Variants in COL6A3 observed in about 807,000 individuals in gnomAD.
The protein encoded by COL6A3 is collagen type VI alpha 3 chain, also known as collagen alpha-3(VI) chain.
Under a neutral mutation model 274.1 loss-of-function variants are expected in COL6A3, and 137 were observed. The ratio of observed to expected loss-of-function variants is 0.50; its 90% CI spans 0.44 to 0.58. The LOEUF is 0.58. Ranked by LOEUF, COL6A3 falls within the 20% of genes least tolerant of loss-of-function variation. The pLI is 0.00. For missense variants in COL6A3, 3,950 were observed against 4,124.9 expected (o/e 0.96, Z 1.16); for synonymous variants, 1,650 against 1,650.6 (o/e 1.00, Z 0.01).
intron 39 of COL6A3, 32 bp downstream of exon 39, chr2:237,338,983 C>T (rs2076927485): frequency 1.9e-6 from 3 of 1,577,146 alleles, no homozygotes; most frequent in East Asian, 4.5e-5. Flanking sequence ...TGCAGCGCTA[C>T]AATTTTTAAG....
At chr2:237,333,328 G>A (rs561824698) in intron 42 of COL6A3, 122 bp downstream of exon 42, 26 of 846,164 alleles carry the variant, frequency 3.1e-5, no homozygotes, top group Admixed American at 7.8e-5. Context: ...CAGAGCTGAC[G>A]TGGACCTTTT....
Position 237,340,619 on chromosome 2 carries a change from C to T in COL6A3, c.8297G>A (p.Gly2766Asp), listed in dbSNP as rs980294027. 6.2e-7 allele frequency: 1 copy of T among 1,614,226 alleles called. No homozygotes were observed. The highest frequency in any genetic ancestry group is 8.5e-7 in the Non-Finnish European group (1 of 1,180,042). Residue 2766 changes from glycine to aspartate, a missense_variant, in exon 38 of 44, where the codon GGC becomes GAC. Transcript: ENST00000295550. The stretch of plus-strand genomic sequence containing the variant: ...AATGCCCAGGACCACGAAGAAGTAG[C>T]CCTTGCATTTGGCCTGCAGGATGAC... ...QRVILQAKCK[G>D]YFFVVLGIGR...
intron 3 of COL6A3, among the ~76,000 whole-genome samples, chr2:237,392,848 C>G (rs79927705): frequency 0.012 from 1,847 of 152,320 alleles, 65 homozygotes; most frequent in Admixed American, 0.059. Context: ...GTGGCTGGCT[C>G]TCTATAGTTC....
intron 14 of COL6A3, among the ~76,000 whole-genome samples, chr2:237,362,668 A>G (rs2077463506): frequency 6.6e-6 from 1 of 152,122 alleles, no homozygotes; most frequent in South Asian, 2.1e-4. Flanking sequence ...CCATCAAAGA[A>G]TCTCTGAGTT....
chr2:237,351,046 G>T, intron 27 of COL6A3, 84 bp downstream of exon 27: 1 of 1,342,274 alleles, frequency 7.5e-7, no homozygotes, highest in Non-Finnish European at 1.1e-6. Flanking sequence ...AGGAGGGACA[G>T]ACAGACTGAC....
intron 23 of COL6A3, chr2:237,355,750 C>T (rs982767136): frequency 6.6e-6 from 1 of 152,234 alleles, no homozygotes. Flanking sequence ...GCCCAGTGAT[C>T]TGCGGTGACC....
intron 10 of COL6A3, 105 bp from the exon 11 acceptor site, chr2:237,367,391 A>C: frequency 7.3e-7 from 1 of 1,362,998 alleles, no homozygotes; most frequent in Non-Finnish European, 9.9e-7. Flanking sequence ...ATTCCTAATA[A>C]TTTATTCACA....
At chr2:237,372,404 C>T (rs111566016) in intron 8 of COL6A3, 67 bp from the exon 9 acceptor site, 599 of 1,599,364 alleles carry the variant, frequency 3.7e-4, no homozygotes, top group Non-Finnish European at 4.8e-4. Flanking sequence ...CATGAGCCAC[C>T]GCCCAGTTTG....
At chr2:237,390,008 A>T (rs573762185) in intron 3 of COL6A3, among the ~76,000 whole-genome samples, 20 of 152,322 alleles carry the variant, frequency 1.3e-4, no homozygotes, top group African/African-American at 4.8e-4. Context: ...AATGGCCTAC[A>T]TCATTGCATA....
chr2:237,385,733 A>G (rs1225344428), intron 4 of COL6A3, among the ~76,000 whole-genome samples: 1 of 152,218 alleles, frequency 6.6e-6, no homozygotes, highest in African/African-American at 2.4e-5. Flanking sequence ...CAGAGTCACA[A>G]AACGGCACCA....
At position 237,376,873 on chromosome 2, in the gene COL6A3, G is replaced by T. The variant is rs759926482; in HGVS notation, c.2969C>A (p.Pro990Gln). 1.2e-6 allele frequency: 2 copies of T among 1,614,192 alleles called. No individual in the cohort carries two copies. The highest frequency in any genetic ancestry group is 1.7e-6 in the Non-Finnish European group (2 of 1,180,030). Residue 990 changes from proline (P) to glutamine (Q), a missense_variant, in exon 7 of 44, where the codon CCA (proline) becomes CAA (glutamine). Coordinates refer to ENST00000295550, the MANE Select transcript of COL6A3 (RefSeq NM_004369.4). ...CGACTCTGCAGCCAGGATAAACGCT[G>T]GAGACAGCACGATCTGCTCTAACTC... is the stretch of plus-strand genomic sequence containing the variant. ...PAELEQIVLSPAFILAAESLP... is the reference protein window; with the variant it reads ...PAELEQIVLSQAFILAAESLP...
intron 1 of COL6A3, among the ~76,000 whole-genome samples, chr2:237,409,461 C>A (rs944261927): frequency 2.0e-5 from 3 of 152,138 alleles, no homozygotes; most frequent in African/African-American, 7.2e-5. Flanking sequence ...GGCCATGATG[C>A]ACAATAGGTC....
chr2:237,371,509 G>T lies in COL6A3; in HGVS notation c.4285+223C>A. 3 of 946,020 alleles carry T rather than the reference G, an allele frequency of 3.2e-6. No individual in the cohort carries two copies. The highest frequency in any genetic ancestry group is 4.4e-6 in the Non-Finnish European group (3 of 686,886). The allele number at this position is 946,020 out of a possible 1,614,324, so 58.6% of individuals were successfully genotyped here. On this transcript the variant is annotated intron_variant, in intron 9 of 43. Coordinates refer to ENST00000295550, the MANE Select transcript of COL6A3 (RefSeq NM_004369.4). The surrounding 1 kb of genome is among the most constrained non-coding windows in gnomAD (Gnocchi z 4.3). Reference sequence around the variant, plus strand: ...GCTACTGAGGAGGCTGAAGTGGGAGGTTGGCTGGATCCCAGAAGGCAGAGG... The same window carrying T: ...GCTACTGAGGAGGCTGAAGTGGGAGTTTGGCTGGATCCCAGAAGGCAGAGG...
chr2:237,342,202 G>T (rs1273390987), intron 36 of COL6A3, 41 bp from the exon 37 acceptor site: 2 of 1,486,298 alleles, frequency 1.3e-6, no homozygotes, highest in Non-Finnish European at 1.9e-6. Context: ...GGGCGTACAT[G>T]ATCAGTAATA....
rs1256838964 is a variant in COL6A3, at chr2:237,388,172, G to A, written c.722C>T (p.Ala241Val). 6.2e-7 allele frequency: 1 copy of A among 1,614,048 alleles called. No individual in the cohort carries two copies. The highest frequency in any genetic ancestry group is 1.1e-5 in the South Asian group (1 of 91,080). The change falls in exon 4 of 44, where the codon GCT becomes GTT. Residue 241 changes from alanine (A) to valine (V), a missense_variant. Physicochemically the swap from Ala to Val is moderately conservative, Grantham distance 64 (BLOSUM62 0). This residue lies in a region of COL6A3 where 1,934 missense variants were observed against 1,984.3 expected (regional missense o/e 0.97). Transcript: ENST00000295550. ...TCCATCAATAAGGAAAATAATGTCA[G>A]CAGAGTCTTGTGCTTTAAAAGAAAG... The part of the protein sequence containing the change: ...TLKDITAQDS[A>V]DIIFLIDGSN...
At chr2:237,343,354 A>T (rs1281387863) in intron 36 of COL6A3, 8 of 151,332 alleles carry the variant, frequency 5.3e-5, no homozygotes, top group Admixed American at 5.3e-4. Flanking sequence ...AAAAGAAAGA[A>T]AAATACAAAA....
chr2:237,412,886 T>G (rs1559299942), intron 1 of COL6A3, among the ~76,000 whole-genome samples: 1 of 152,048 alleles, frequency 6.6e-6, no homozygotes, highest in Non-Finnish European at 1.5e-5. Context: ...CACAGCAGAC[T>G]CCCCTGTGCT....
intron 31 of COL6A3, among the ~76,000 whole-genome samples, chr2:237,347,466 C>A (rs1051135523): frequency 2.6e-5 from 4 of 152,230 alleles, no homozygotes; most frequent in Admixed American, 2.0e-4. Flanking sequence ...CATTGCCTGG[C>A]CGTCTGGGTG....
intron 7 of COL6A3, among the ~76,000 whole-genome samples, 163 bp from the exon 8 acceptor site, chr2:237,375,183 G>A (rs556138799): frequency 4.9e-4 from 74 of 152,336 alleles, no homozygotes; most frequent in East Asian, 7.7e-4. Flanking sequence ...TTGGGGATGG[G>A]GGGATTACCC....
Sources: gnomAD v4.1 joint callset for allele counts (sites outside exome capture counted in the v4.1 genomes callset) on GRCh38, gnomAD v4.1.1 for gene constraint, gnomAD v4.1.1 regional missense constraint, Gnocchi (gnomAD v3.1) non-coding constraint, MANE v1.5 for transcripts, NCBI Gene and HGNC (gene_info 2026-07-23, HGNC 2026-07-21) for gene names.